The following MYH14 variants were observed in gnomAD, a reference collection of about 807,000 sequenced individuals.
MYH14 encodes the protein myosin-14.
A neutral mutation model predicts 255.5 loss-of-function variants in MYH14; 123 were observed. The observed-to-expected ratio is 0.48, with a 90% CI of 0.42 to 0.56. The LOEUF (loss-of-function observed/expected upper bound fraction) is 0.56, where lower values mean the gene tolerates loss of function less well. Ranked by LOEUF, MYH14 falls within the 20% of genes least tolerant of loss-of-function variation. MYH14 has a pLI of 0.00. For synonymous variants in MYH14, 1,095 were observed against 1,161.2 expected (o/e 0.94, Z 1.16); for missense variants, 2,423 against 2,802.3 (o/e 0.86, Z 3.06).
At chr19:50,223,406 T>A (rs1378213568) in intron 5 of MYH14, 57 bp downstream of exon 5, 1 of 1,198,732 alleles carries the variant, frequency 8.3e-7, no homozygotes, top group South Asian at 1.3e-5. Flanking sequence ...GCCCCTTCCA[T>A]CTTGGGCTTT....
intron 39 of MYH14, among the ~76,000 whole-genome samples, chr19:50,299,955 A>C (rs547596716): frequency 5.6e-4 from 85 of 152,250 alleles, no homozygotes; most frequent in Middle Eastern, 3.4e-3. Context: ...AAAACAAACA[A>C]AAACAAACAA....
intron 21 of MYH14, 23 bp downstream of exon 21, chr19:50,261,658 G>A (rs1468090830): frequency 9.6e-6 from 15 of 1,567,598 alleles, no homozygotes; most frequent in East Asian, 2.4e-5. Flanking sequence ...GCTGTCTCCC[G>A]GGGTCCTGTT....
At chr19:50,241,255 T>C (rs931966377) in intron 10 of MYH14, among the ~76,000 whole-genome samples, 2 of 152,042 alleles carry the variant, frequency 1.3e-5, no homozygotes, top group African/African-American at 4.8e-5. Flanking sequence ...GCCAACACGA[T>C]GAAACCCCGT....
intron 34 of MYH14, 141 bp downstream of exon 34, chr19:50,286,835 C>T: frequency 2.3e-6 from 2 of 880,074 alleles, no homozygotes; most frequent in East Asian, 5.3e-5. Flanking sequence ...GAGGGCTGGG[C>T]ATGGTGGCTC....
chr19:50,292,508 T>G (rs1334671620), intron 37 of MYH14, 119 bp downstream of exon 37: 3 of 98,146 alleles, frequency 3.1e-5, no homozygotes. Flanking sequence ...GGTCCCTGGA[T>G]GTGAAGCTGG....
intron 10 of MYH14, among the ~76,000 whole-genome samples, chr19:50,232,319 C>A (rs1397206968): frequency 6.6e-6 from 1 of 152,174 alleles, no homozygotes; most frequent in Non-Finnish European, 1.5e-5. Context: ...CAGCTGGGCG[C>A]AGTGGCTCAT....
Position 50,226,926 on chromosome 19 carries a change from T to G in MYH14, c.834T>G (p.Phe278Leu). ...SRFGKFIRIN[F>L]DVAGYIVGAN... ...AGGGCAAATTCATCCGCATCAACTTTGATGTTGCCGGGTACATCGTGGGCG... is the reference window on the plus strand; with the variant it reads ...AGGGCAAATTCATCCGCATCAACTTGGATGTTGCCGGGTACATCGTGGGCG... Residue 278 changes from phenylalanine to leucine, a missense_variant, in exon 8 of 43, where the codon TTT becomes TTG. Physicochemically the swap from Phe to Leu is conservative, Grantham distance 22. Coordinates refer to ENST00000642316, the MANE Select transcript of MYH14 (RefSeq NM_001145809.2). 1 of 1,613,728 alleles carries G rather than the reference T, an allele frequency of 6.2e-7. No individual in the cohort carries two copies. The highest frequency in any genetic ancestry group is 8.5e-7 in the Non-Finnish European group (1 of 1,179,776).
chr19:50,302,601 AAAAAG>A lies in MYH14; in HGVS notation c.5678+742_5678+746del, dbSNP rs1421082584. 2.7e-5 allele frequency among the ~76,000 whole-genome samples: 4 copies of A among 149,444 alleles called. No individual in the cohort carries two copies. The South Asian group carries it at 6.4e-4, about 24-fold the overall frequency. ...CCATTTAAAAAAAAAAAAGAAAGAA[AAAAAG>A]AAAAGAAAAAGATGCCAGGCACGGT... On this transcript the variant is annotated intron_variant, in intron 40 of 42. Coordinates refer to ENST00000642316, the MANE Select transcript of MYH14 (RefSeq NM_001145809.2).
chr19:50,271,712 G>A (rs983994122), intron 25 of MYH14, 137 bp from the exon 26 acceptor site: 42 of 1,461,528 alleles, frequency 2.9e-5, no homozygotes, highest in Middle Eastern at 4.8e-4. Flanking sequence ...AGAGGGAGGT[G>A]TAGGGGGAGG....
Position 50,226,867 on chromosome 19 carries a change from C to G in MYH14, c.811-36C>G, listed in dbSNP as rs758817379. The G allele has an allele frequency of 1.7e-5, 28 of 1,608,618 alleles. No homozygotes were observed. In the South Asian group the frequency reaches 2.9e-4, roughly 16 times the overall value. On this transcript the variant is annotated intron_variant, in intron 7 of 42. Transcript: ENST00000642316. The stretch of plus-strand genomic sequence containing the variant: ...TTCACGTGTGAGTGGGGAAGGGGAC[C>G]CTCTGCTGAAGCCCACCCACTTTGG...
chr19:50,308,485 T>C (rs995040763), intron 41 of MYH14: 1 of 153,014 alleles, frequency 6.5e-6, no homozygotes, highest in Admixed American at 6.5e-5. Context: ...CGTTGCTTCT[T>C]GTGATGGGAG....
At chr19:50,296,211 C>T (rs1246477718) in intron 39 of MYH14, among the ~76,000 whole-genome samples, 1 of 152,126 alleles carries the variant, frequency 6.6e-6, no homozygotes, top group African/African-American at 2.4e-5. Flanking sequence ...TTATACAGAT[C>T]CAGTCTCTCT....
rs776622869 is a variant in MYH14 at position 50,244,351 on chromosome 19, C to T, written c.1210+14C>T. The T allele has an allele frequency of 1.2e-6, 2 of 1,611,056 alleles. No individual in the cohort carries two copies. The highest frequency in any genetic ancestry group is 1.7e-5 in the Admixed American group (1 of 60,000). On this transcript the variant is annotated intron_variant, in intron 11 of 42. Coordinates refer to ENST00000642316, the MANE Select transcript of MYH14 (RefSeq NM_001145809.2). ...CTGACAACACAGGTACTGCCCCCGG[C>T]CTGCCTGCCCACGACCTCCAGCCCC...
At chr19:50,295,013 T>TG (rs929182459) in intron 39 of MYH14, among the ~76,000 whole-genome samples, 30 of 22,200 alleles carry the variant, frequency 1.4e-3, no homozygotes, top group African/African-American at 1.9e-3. Context: ...AAGTTTTTTT[T>TG]TTTTTTTTTT....
Position 50,212,767 on chromosome 19 carries a change from G to A in MYH14, c.405+1997G>A, listed in dbSNP as rs2032266786. ...TGGTGGCAGGTGTGGAATTTGAATC[G>A]AGGGCTGTCGGACCCTGCATGGGGT... On this transcript the variant is annotated intron_variant, in intron 2 of 42. Transcript: ENST00000642316. Among the ~76,000 whole-genome samples, 4 of 152,092 alleles carry A rather than the reference G, an allele frequency of 2.6e-5. No individual in the cohort carries two copies. The South Asian group carries it at 6.2e-4, about 24-fold the overall frequency.
chr19:50,300,351 CTTGG>C (rs1428345871), intron 39 of MYH14, among the ~76,000 whole-genome samples: 1 of 152,142 alleles, frequency 6.6e-6, no homozygotes, highest in Non-Finnish European at 1.5e-5. Context: ...CCATAATGTT[CTTGG>C]TTGAGAATTA....
chr19:50,302,993 T>C (rs2036544094), intron 40 of MYH14, among the ~76,000 whole-genome samples: 2 of 152,268 alleles, frequency 1.3e-5, no homozygotes, highest in South Asian at 4.1e-4. Flanking sequence ...TTCTGTATCA[T>C]TTAGGATGCT....
intron 17 of MYH14, 64 bp downstream of exon 17, chr19:50,255,382 G>A: frequency 1.6e-6 from 2 of 1,286,914 alleles, no homozygotes; most frequent in Admixed American, 4.0e-5. Context: ...CTGTTGGGCT[G>A]GGGACCTGGT....
intron 11 of MYH14, among the ~76,000 whole-genome samples, chr19:50,246,088 CT>C (rs1313185673): frequency 6.7e-5 from 5 of 75,042 alleles, no homozygotes; most frequent in Middle Eastern, 5.2e-3. Flanking sequence ...GATTCCCCCC[CT>C]CCCTCCCTCC....
Sources: gnomAD v4.1 joint callset for allele counts (sites outside exome capture counted in the v4.1 genomes callset) on GRCh38, gnomAD v4.1.1 for gene constraint, MANE v1.5 for transcripts, NCBI Gene and HGNC (gene_info 2026-07-23, HGNC 2026-07-21) for gene names.